ELAC2: variants seen among roughly 807,000 people sequenced by gnomAD.
ELAC2 encodes elaC ribonuclease Z 2, also known as zinc phosphodiesterase ELAC protein 2.
Under a neutral mutation model 105.2 loss-of-function variants are expected in ELAC2, and 92 were observed. That is an observed-to-expected ratio of 0.87 (90% CI 0.74 to 1.04). The LOEUF is 1.04. ELAC2 is among the 50% of genes least tolerant of loss of function. The pLI is 0.00. For synonymous variants in ELAC2, 468 were observed against 409.1 expected (o/e 1.14, Z -1.74); for missense variants, 1,099 against 1,071.7 (o/e 1.03, Z -0.36).
rs1249967018 is a variant in ELAC2, at chr17:12,992,143, A to AT, written c.*674dup. On this transcript the variant is annotated 3_prime_UTR_variant, in exon 24 of 24. Transcript: ENST00000338034. ...ACTGATTGATTTGATTGATTGATTG[A>AT]TTGATTGATAGAGAAAGCACGCCCT... Among the ~76,000 whole-genome samples, 1 of 150,754 alleles carries AT rather than the reference A, an allele frequency of 6.6e-6. No individual in the cohort carries two copies. Among genetic ancestry groups the AT allele is most frequent in the Non-Finnish European group, 1.5e-5 (1 of 67,818 alleles).
chr17:13,009,068 A>G (rs60713770), intron 8 of ELAC2, among the ~76,000 whole-genome samples: 41,909 of 152,152 alleles, frequency 0.28, 5,949 homozygotes, highest in Middle Eastern at 0.33. Context: ...ATAAATATAG[A>G]TTATCAAAAA....
At chr17:12,998,711 T>C (rs1009448293) in intron 15 of ELAC2, among the ~76,000 whole-genome samples, 3 of 152,186 alleles carry the variant, frequency 2.0e-5, no homozygotes, top group African/African-American at 7.2e-5. Context: ...CCTGAGTGGC[T>C]TGGAGCTGCA....
In ELAC2 at chr17:13,017,728, G is replaced by A. The variant is rs752421786; in HGVS notation, c.220C>T (p.Leu74Phe). ...AAGSRDSGAA[L>F]YVFSEFNRYL... ...CGGTTGAACTCGGAGAAGACGTAGA[G>A]CGCGGCGCCCGAGTCCCGGCTACCC... The change falls in exon 1 of 24, where the codon CTC becomes TTC. Residue 74 changes from leucine (L) to phenylalanine (F), a missense_variant. By Grantham distance (22) the Leu-to-Phe change is conservative. Coordinates refer to ENST00000338034, the MANE Select transcript of ELAC2 (RefSeq NM_018127.7). 14 of 1,612,648 alleles carry A rather than the reference G, an allele frequency of 8.7e-6. No homozygotes were observed. Among genetic ancestry groups the A allele is most frequent in the Non-Finnish European group, 1.0e-5 (12 of 1,179,718 alleles).
chr17:12,996,501 A>G (rs1421846028), intron 17 of ELAC2, 46 bp downstream of exon 17: 2 of 1,612,674 alleles, frequency 1.2e-6, no homozygotes, highest in Non-Finnish European at 1.7e-6. Context: ...TCAACGTGGC[A>G]GTGCCTCCTC....
chr17:13,006,011 G>A, intron 8 of ELAC2, 32 bp from the exon 9 acceptor site: 3 of 1,602,522 alleles, frequency 1.9e-6, no homozygotes, highest in Non-Finnish European at 2.6e-6. Context: ...TGTGATCTTA[G>A]GGGCTAATGA....
At position 13,017,732 on chromosome 17, in the gene ELAC2, G is replaced by T; in HGVS notation, c.216C>A (p.Ala72=). The T allele has an allele frequency of 6.2e-7, 1 of 1,612,558 alleles. No homozygotes were observed. The highest frequency in any genetic ancestry group is 1.1e-5 in the South Asian group (1 of 90,982). Reference sequence around the variant, plus strand: ...TGAACTCGGAGAAGACGTAGAGCGCGGCGCCCGAGTCCCGGCTACCCGCTG... The same window carrying T: ...TGAACTCGGAGAAGACGTAGAGCGCTGCGCCCGAGTCCCGGCTACCCGCTG... The part of the protein sequence containing the change: ...VVAAGSRDSG[A]ALYVFSEFNR... Residue 72 remains alanine, a synonymous_variant, in exon 1 of 24, where the codon GCC becomes GCA. Transcript: ENST00000338034.
chr17:13,010,074 A>G (rs1282729269), intron 8 of ELAC2, among the ~76,000 whole-genome samples: 1 of 151,914 alleles, frequency 6.6e-6, no homozygotes, highest in Non-Finnish European at 1.5e-5. Context: ...GGTTATTTTG[A>G]GAAACAGAGC....
At chr17:13,009,554 A>C (rs1330564522) in intron 8 of ELAC2, among the ~76,000 whole-genome samples, 1 of 152,246 alleles carries the variant, frequency 6.6e-6, no homozygotes, top group Non-Finnish European at 1.5e-5. Context: ...ATCTGGTGTT[A>C]GACCTTAGCT....
intron 2 of ELAC2, 21 bp downstream of exon 2, chr17:13,017,050 G>T: frequency 6.2e-7 from 1 of 1,613,924 alleles, no homozygotes; most frequent in Non-Finnish European, 8.5e-7. Context: ...CTCCCCCTCC[G>T]AAAGCAAGAG....
intron 10 of ELAC2, 99 bp downstream of exon 10, chr17:13,005,654 C>T: frequency 8.1e-7 from 1 of 1,232,612 alleles, no homozygotes. Context: ...GTTCCACGTC[C>T]TTCAAAAGTG....
At chr17:13,014,787 A>G (rs2041628997) in intron 4 of ELAC2, among the ~76,000 whole-genome samples, 1 of 152,248 alleles carries the variant, frequency 6.6e-6, no homozygotes, top group African/African-American at 2.4e-5. Flanking sequence ...TGCAAGGAAA[A>G]TGAAAAATAC....
chr17:13,018,010 C>T lies in ELAC2; in HGVS notation c.-63G>A. Reference sequence around the variant, plus strand: ...ACCTACGCCCGCGTTTCCCGTGCACCACCTAGCCGCTCCGCATGGCGGATC... The same window carrying T: ...ACCTACGCCCGCGTTTCCCGTGCACTACCTAGCCGCTCCGCATGGCGGATC... On this transcript the variant is annotated 5_prime_UTR_variant, in exon 1 of 24. Transcript: ENST00000338034. The T allele has an allele frequency of 6.5e-7, 1 of 1,532,642 alleles. No individual in the cohort carries two copies. Among genetic ancestry groups the T allele is most frequent in the African/African-American group, 1.4e-5 (1 of 73,028 alleles). 94.9% of individuals were successfully genotyped at this position (1,532,642 alleles called of 1,614,324 possible).
Position 12,994,816 on chromosome 17 carries a change from C to T in ELAC2, c.1977G>A (p.Trp659Ter), listed in dbSNP as rs2040386147. Residue 659 changes from tryptophan to a stop codon, truncating the protein, a stop_gained, in exon 21 of 24, where the codon TGG becomes TGA. Coordinates refer to ENST00000338034, the MANE Select transcript of ELAC2 (RefSeq NM_018127.7). LOFTEE classifies it high-confidence loss of function. ...FGCALVHTSGWKVVYSGDTMP... is the reference protein window; with the variant it reads ...FGCALVHTSG Reference sequence around the variant, plus strand: ...TGGTGTCCCCGGAATAGACCACTTTCCAGCCAGAGGTGTGCACCAGCGCAC... The same window carrying T: ...TGGTGTCCCCGGAATAGACCACTTTTCAGCCAGAGGTGTGCACCAGCGCAC... The T allele has an allele frequency of 6.2e-7, 1 of 1,614,066 alleles. No homozygotes were observed. The highest frequency in any genetic ancestry group is 8.5e-7 in the Non-Finnish European group (1 of 1,180,046).
chr17:13,016,805 C>T, intron 3 of ELAC2, 57 bp downstream of exon 3: 6 of 1,563,328 alleles, frequency 3.8e-6, no homozygotes, highest in South Asian at 2.2e-5. Flanking sequence ...ATGGTAAAGC[C>T]GGTTAAAATC....
At chr17:13,005,548 A>G (rs921739588) in intron 10 of ELAC2, among the ~76,000 whole-genome samples, 1 of 152,210 alleles carries the variant, frequency 6.6e-6, no homozygotes, top group Non-Finnish European at 1.5e-5. Flanking sequence ...CTAAATGGAC[A>G]ATCTACAAAA....
rs199905488 is a variant in ELAC2 at position 12,992,148 on chromosome 17, T to TTGA, written c.*667_*669dup. ...TTGATTTGATTGATTGATTGATTGATTGATAGAGAAAGCACGCCCTGCTGT... is the reference window on the plus strand; with the variant it reads ...TTGATTTGATTGATTGATTGATTGATTGATGATAGAGAAAGCACGCCCTGCTGT... On this transcript the variant is annotated 3_prime_UTR_variant, in exon 24 of 24. Transcript: ENST00000338034. 7.0e-3 allele frequency among the ~76,000 whole-genome samples: 938 copies of TTGA among 133,394 alleles called. 5 individuals carry two copies. The highest frequency in any genetic ancestry group is 0.025 in the African/African-American group (823 of 33,370). The allele number at this position is 133,394 out of a possible 152,430, so 87.5% of individuals were successfully genotyped here.
chr17:13,008,686 C>T (rs570408908), intron 8 of ELAC2, among the ~76,000 whole-genome samples: 8 of 151,912 alleles, frequency 5.3e-5, no homozygotes, highest in South Asian at 2.1e-4. Flanking sequence ...TGCCCAAAGC[C>T]GAGGTCTTCC....
intron 22 of ELAC2, 107 bp from the exon 23 acceptor site, chr17:12,993,938 T>C (rs2040334680): frequency 3.2e-6 from 5 of 1,547,494 alleles, no homozygotes; most frequent in Non-Finnish European, 4.4e-6. Flanking sequence ...CCGGGGAAGC[T>C]GGTGGGTTTT....
chr17:12,991,630 T>TTTA lies in ELAC2; in HGVS notation c.*1185_*1187dup, dbSNP rs779612679. On this transcript the variant is annotated 3_prime_UTR_variant, in exon 24 of 24. Transcript: ENST00000338034. Reference sequence around the variant, plus strand: ...TCAAAAGTAACGTTATTAAAATAGATTTATTATCCCTGAGCTTGGCATCTG... The same window carrying TTTA: ...TCAAAAGTAACGTTATTAAAATAGATTTATTATTATCCCTGAGCTTGGCATCTG... 2 of 187,624 alleles carry TTTA rather than the reference T, an allele frequency of 1.1e-5. No individual in the cohort carries two copies. Among genetic ancestry groups the TTTA allele is most frequent in the Non-Finnish European group, 1.1e-5 (1 of 88,688 alleles). 11.6% of individuals were successfully genotyped at this position (187,624 alleles called of 1,614,324 possible). A position where few individuals can be genotyped will look rare whatever the true frequency, so the allele number is the denominator to read the frequency against.
Sources: gnomAD v4.1 joint callset for allele counts (sites outside exome capture counted in the v4.1 genomes callset) on GRCh38, gnomAD v4.1.1 for gene constraint, MANE v1.5 for transcripts, NCBI Gene and HGNC (gene_info 2026-07-23, HGNC 2026-07-21) for gene names.